CHID1: variants seen among roughly 807,000 people sequenced by gnomAD.
CHID1 encodes chitinase domain-containing protein 1.
In CHID1, 44 loss-of-function variants were observed where a neutral mutation model predicts 55.4. That is an observed-to-expected ratio of 0.79 (90% CI 0.62 to 1.02). The LOEUF (loss-of-function observed/expected upper bound fraction) is 1.02. Among genes scored for constraint, CHID1 ranks in the 50% least tolerant of loss-of-function variants. The probability of loss-of-function intolerance (pLI) is 0.00; values close to 1 mark genes in which losing one functional copy is unlikely to be tolerated. For missense variants in CHID1, 491 were observed against 515.3 expected (o/e 0.95, Z 0.46); for synonymous variants, 216 against 212.9 (o/e 1.01, Z -0.13).
At chr11:911,465 G>C (rs904028664), upstream of CHID1, 1 of 152,058 alleles carries the variant, frequency 6.6e-6, no homozygotes, top group Non-Finnish European at 1.5e-5. Context: ...CGCATTCTAC[G>C]CGGCACAGGC....
chr11:892,148 C>A (rs1324225831), intron 8 of CHID1, among the ~76,000 whole-genome samples: 2 of 152,068 alleles, frequency 1.3e-5, no homozygotes, highest in African/African-American at 4.8e-5. Flanking sequence ...AAAGACGCAG[C>A]GTGGGGGCCC....
At position 884,077 on chromosome 11, in the gene CHID1, G is replaced by T; in HGVS notation, c.794C>A (p.Thr265Lys). ...GFSLMTYDYSTAHQPGPNAPL... is the reference protein window; with the variant it reads ...GFSLMTYDYSKAHQPGPNAPL... Reference sequence around the variant, plus strand: ...CCAAGCCCACACTCACTGATGCGCTGTAGAGTAGTCGTAGGTCATGAGGCT... The same window carrying T: ...CCAAGCCCACACTCACTGATGCGCTTTAGAGTAGTCGTAGGTCATGAGGCT... The change falls in exon 9 of 13, where the codon ACA (threonine) becomes AAA (lysine). Residue 265 changes from threonine (T) to lysine (K), a missense_variant. Transcript: ENST00000323578. 1 of 1,613,584 alleles carries T rather than the reference G, an allele frequency of 6.2e-7. No homozygotes were observed. Among genetic ancestry groups the T allele is most frequent in the Non-Finnish European group, 8.5e-7 (1 of 1,179,494 alleles).
chr11:889,632 C>T (rs932365964), intron 8 of CHID1, among the ~76,000 whole-genome samples: 2 of 152,154 alleles, frequency 1.3e-5, no homozygotes, highest in Admixed American at 1.3e-4. Context: ...GCCTATGGTC[C>T]CTAGTCCCTG....
intron 1 of CHID1, 44 bp downstream of exon 1, chr11:910,731 C>G: frequency 8.0e-7 from 1 of 1,243,608 alleles, no homozygotes; most frequent in Non-Finnish European, 1.0e-6. Context: ...GAAACTGAGG[C>G]CGTGCAAGGA....
At chr11:873,861 G>T (rs1849330752) in intron 10 of CHID1, among the ~76,000 whole-genome samples, 1 of 152,130 alleles carries the variant, frequency 6.6e-6, no homozygotes, top group African/African-American at 2.4e-5. Context: ...AAAAACAGCT[G>T]CAAGGCCTCA....
At chr11:910,185 T>C (rs572641721) in intron 1 of CHID1, among the ~76,000 whole-genome samples, 13 of 152,230 alleles carry the variant, frequency 8.5e-5, no homozygotes, top group African/African-American at 2.9e-4. Flanking sequence ...ACCCTCCAGT[T>C]TGGACAGTCA....
At chr11:903,624 T>C (rs1157700373) in intron 2 of CHID1, 1 of 217,060 alleles carries the variant, frequency 4.6e-6, no homozygotes, top group Non-Finnish European at 9.4e-6. Context: ...CTACTAAATA[T>C]GCAAAAATTA....
chr11:893,361 T>C lies in CHID1; in HGVS notation c.701+66A>G, dbSNP rs1226274385. On this transcript the variant is annotated intron_variant, in intron 8 of 12. Coordinates refer to ENST00000323578, the MANE Select transcript of CHID1 (RefSeq NM_023947.4). ...GGCCTGGGCCCTTTGGCCGACACCC[T>C]GCACTGGCTGCCCCCGACCCCAGAG... 6.6e-6 allele frequency: 9 copies of C among 1,367,368 alleles called. No homozygotes were observed. In the East Asian group the frequency reaches 1.8e-4, roughly 27 times the overall value. 84.7% of individuals were successfully genotyped at this position (1,367,368 alleles called of 1,614,324 possible).
At chr11:913,211 G>T (rs989220065), upstream of CHID1, among the ~76,000 whole-genome samples, 1 of 151,016 alleles carries the variant, frequency 6.6e-6, no homozygotes, top group Non-Finnish European at 1.5e-5. Flanking sequence ...CTGGAGTGCA[G>T]TGGATTATGG....
In CHID1 at chr11:883,155, C is replaced by T. The variant is rs761220629; in HGVS notation, c.952G>A (p.Gly318Arg). The change falls in exon 10 of 13, where the codon GGG becomes AGG. Residue 318 changes from glycine to arginine, a missense_variant. Transcript: ENST00000323578. ...GGAGAGCCCTTGGCTCACCTGGCCC[C>T]GACAACAGGCTCACGGGCATCCTTG... is the stretch of plus-strand genomic sequence containing the variant. ...TSKDAREPVVGARYIQTLKDH... is the reference protein window; with the variant it reads ...TSKDAREPVVRARYIQTLKDH... 2.3e-5 allele frequency: 37 copies of T among 1,610,064 alleles called. No individual in the cohort carries two copies. Among genetic ancestry groups the T allele is most frequent in the Admixed American group, 3.3e-5 (2 of 59,942 alleles).
At chr11:888,453 C>T (rs1045044901) in intron 8 of CHID1, among the ~76,000 whole-genome samples, 1 of 152,216 alleles carries the variant, frequency 6.6e-6, no homozygotes, top group Admixed American at 6.5e-5. Flanking sequence ...CAGACACATG[C>T]GAGAGCCGGC....
At chr11:898,726 C>A (rs115548835) in intron 7 of CHID1, among the ~76,000 whole-genome samples, 1 of 152,196 alleles carries the variant, frequency 6.6e-6, no homozygotes, top group Non-Finnish European at 1.5e-5. Context: ...TCCTATCACT[C>A]CCTCCGTTCC....
chr11:903,491 G>T (rs1390654728), intron 2 of CHID1, among the ~76,000 whole-genome samples: 1 of 152,236 alleles, frequency 6.6e-6, no homozygotes, highest in Non-Finnish European at 1.5e-5. Context: ...ACAAGAACAT[G>T]CCAGGTGCGC....
At chr11:886,349 C>T (rs1410277905) in intron 8 of CHID1, among the ~76,000 whole-genome samples, 2 of 151,328 alleles carry the variant, frequency 1.3e-5, no homozygotes, top group Non-Finnish European at 2.9e-5. Context: ...GTCCCAGCTA[C>T]TTGGGGGGCT....
chr11:871,280 C>A (rs1294055006), intron 10 of CHID1, among the ~76,000 whole-genome samples: 1 of 152,122 alleles, frequency 6.6e-6, no homozygotes, highest in South Asian at 2.1e-4. Context: ...CGTGAGCCAC[C>A]GCGCCTGGCC....
rs370414204 is a variant in CHID1, at chr11:902,067, GAGAC to G, written c.394+127_394+130del. 3.5e-5 allele frequency: 34 copies of G among 968,728 alleles called. No homozygotes were observed. In the African/African-American group the frequency reaches 5.5e-4, roughly 16 times the overall value. 60.0% of individuals were successfully genotyped at this position (968,728 alleles called of 1,614,324 possible). A position where few individuals can be genotyped will look rare whatever the true frequency, so the allele number is the denominator to read the frequency against. On this transcript the variant is annotated intron_variant, in intron 4 of 12. Transcript: ENST00000323578. ...CTCACATTCACACTTAAATCACGCA[GAGAC>G]ACACACACACTCCCATACAGAGACA...
chr11:890,740 C>T (rs574582574), intron 8 of CHID1, among the ~76,000 whole-genome samples: 79 of 152,312 alleles, frequency 5.2e-4, no homozygotes, highest in African/African-American at 1.7e-3. Context: ...CCTGGGTCTC[C>T]TCCATTGCTG....
At position 884,078 on chromosome 11, in the gene CHID1, T is replaced by C. The variant is rs756019950; in HGVS notation, c.793A>G (p.Thr265Ala). Reference protein sequence around the residue: ...GFSLMTYDYSTAHQPGPNAPL... With the variant: ...GFSLMTYDYSAAHQPGPNAPL... Reference sequence around the variant, plus strand: ...CAAGCCCACACTCACTGATGCGCTGTAGAGTAGTCGTAGGTCATGAGGCTG... The same window carrying C: ...CAAGCCCACACTCACTGATGCGCTGCAGAGTAGTCGTAGGTCATGAGGCTG... The change falls in exon 9 of 13, where the codon ACA (threonine) becomes GCA (alanine). Residue 265 changes from threonine (T) to alanine (A), a missense_variant. Coordinates refer to ENST00000323578, the MANE Select transcript of CHID1 (RefSeq NM_023947.4). The C allele has an allele frequency of 1.1e-5, 17 of 1,613,572 alleles. No individual in the cohort carries two copies. In the East Asian group the frequency reaches 3.8e-4, roughly 36 times the overall value.
At chr11:903,936 C>T (rs1380458588) in intron 2 of CHID1, among the ~76,000 whole-genome samples, 1 of 151,952 alleles carries the variant, frequency 6.6e-6, no homozygotes, top group African/African-American at 2.4e-5. Context: ...CCTGCCACCA[C>T]CCCCACCAAT....
Sources: gnomAD v4.1 joint callset for allele counts (sites outside exome capture counted in the v4.1 genomes callset) on GRCh38, gnomAD v4.1.1 for gene constraint, MANE v1.5 for transcripts, NCBI Gene and HGNC (gene_info 2026-07-23, HGNC 2026-07-21) for gene names.